The following SPATA7 variants were observed in gnomAD, a reference collection of about 807,000 sequenced individuals.
The protein encoded by SPATA7 is spermatogenesis associated 7.
SPATA7 carries 43 observed loss-of-function variants against 51.8 expected under a neutral mutation model. The ratio of observed to expected loss-of-function variants is 0.83; its 90% CI spans 0.65 to 1.07. The LOEUF (loss-of-function observed/expected upper bound fraction) is 1.07, where lower values mean the gene tolerates loss of function less well. Ranked by LOEUF, SPATA7 falls within the 50% of genes least tolerant of loss-of-function variation. The pLI is 0.00. For synonymous variants in SPATA7, 230 were observed against 252.8 expected (o/e 0.91, Z 0.86); for missense variants, 683 against 701.3 (o/e 0.97, Z 0.30).
At chr14:88,415,658 T>C (rs73323507) in intron 4 of SPATA7, among the ~76,000 whole-genome samples, 5,342 of 152,230 alleles carry the variant, frequency 0.035, 303 homozygotes, top group African/African-American at 0.12. Context: ...CTGTTTGCTT[T>C]GTAGTCTTGA....
At chr14:88,427,119 A>G (rs2076815424) in intron 6 of SPATA7, among the ~76,000 whole-genome samples, 2 of 152,208 alleles carry the variant, frequency 1.3e-5, no homozygotes, top group Admixed American at 6.5e-5. Context: ...CCTCTGCTCC[A>G]TTTCCTGCAG....
intron 4 of SPATA7, among the ~76,000 whole-genome samples, chr14:88,402,934 G>A (rs1218483074): frequency 3.4e-5 from 3 of 88,146 alleles, no homozygotes; most frequent in African/African-American, 1.1e-4. Flanking sequence ...TCCCAACTGT[G>A]TAAGTAATAA....
intron 4 of SPATA7, among the ~76,000 whole-genome samples, chr14:88,411,518 T>A (rs1280745083): frequency 6.6e-6 from 1 of 152,146 alleles, no homozygotes; most frequent in African/African-American, 2.4e-5. Context: ...TGAGGGAATC[T>A]CCTGGTCCGT....
rs374068608 is a variant in SPATA7 at position 88,436,938 on chromosome 14, A to AT, written c.1161-596dup. On this transcript the variant is annotated intron_variant, in intron 10 of 11. Coordinates refer to ENST00000393545, the MANE Select transcript of SPATA7 (RefSeq NM_018418.5). ...TTTGTAGTTTCATGTACATTTTAGGATTTTTTTTTCTATTTCTGTGAATAA... is the reference window on the plus strand; with the variant it reads ...TTTGTAGTTTCATGTACATTTTAGGATTTTTTTTTTCTATTTCTGTGAATAA... Among the ~76,000 whole-genome samples, 1,179 of 150,646 alleles carry AT rather than the reference A, an allele frequency of 7.8e-3. 6 individuals carry two copies. The highest frequency in any genetic ancestry group is 0.024 in the Middle Eastern group (7 of 290).
chr14:88,428,662 C>T (rs1243769832), intron 7 of SPATA7: 1 of 152,124 alleles, frequency 6.6e-6, no homozygotes, highest in Non-Finnish European at 1.5e-5. Flanking sequence ...TTGCAGATAA[C>T]TACGTAAACA....
chr14:88,393,438 T>A lies in SPATA7; in HGVS notation c.140T>A (p.Leu47Gln). Residue 47 changes from leucine to glutamine, a missense_variant, in exon 3 of 12, where the codon CTG becomes CAG. Coordinates refer to ENST00000393545, the MANE Select transcript of SPATA7 (RefSeq NM_018418.5). ...SSSLRLSTLQ[L>Q]VKNHMAVHYN... ...TCTCTCAGACTAAGCACTCTCCAGC[T>A]GGTCAAGAATCACATGGCTGTTCAC... 1.9e-6 allele frequency: 3 copies of A among 1,606,024 alleles called. No individual in the cohort carries two copies. The highest frequency in any genetic ancestry group is 2.6e-6 in the Non-Finnish European group (3 of 1,175,504).
intron 4 of SPATA7, among the ~76,000 whole-genome samples, chr14:88,468,716 T>C (rs147662195): frequency 1.1e-4 from 17 of 152,322 alleles, no homozygotes; most frequent in African/African-American, 3.8e-4. Context: ...ATTTATCGTA[T>C]GACTTCTTAG....
intron 4 of SPATA7, among the ~76,000 whole-genome samples, chr14:88,404,444 T>C (rs1038922509): frequency 3.9e-5 from 6 of 152,138 alleles, no homozygotes; most frequent in Non-Finnish European, 7.4e-5. Flanking sequence ...AGGTCAGGCG[T>C]TGTGGCTCAC....
At chr14:88,414,210 T>G (rs1595233880) in intron 4 of SPATA7, among the ~76,000 whole-genome samples, 1 of 151,594 alleles carries the variant, frequency 6.6e-6, no homozygotes, top group African/African-American at 2.4e-5. Context: ...GGTTGGTAGG[T>G]TTTTTTTATT....
downstream of SPATA7, chr14:88,438,572 T>C (rs914704964): frequency 4.1e-6 from 3 of 724,084 alleles, no homozygotes; most frequent in Non-Finnish European, 7.2e-6. Flanking sequence ...ACACATTTAT[T>C]ATTTATCCCA....
intron 4 of SPATA7, among the ~76,000 whole-genome samples, chr14:88,462,931 T>C (rs188286459): frequency 6.6e-6 from 1 of 152,336 alleles, no homozygotes; most frequent in Non-Finnish European, 1.5e-5. Context: ...AAGTATATGG[T>C]TACTATCCCT....
At chr14:88,467,909 G>A in intron 4 of SPATA7, 2 of 614,528 alleles carry the variant, frequency 3.3e-6, no homozygotes, top group Non-Finnish European at 5.7e-6. Flanking sequence ...GCAGGGCAAG[G>A]CCCTTGAAAC....
chr14:88,465,903 A>T (rs1390046561), intron 4 of SPATA7: 1 of 151,922 alleles, frequency 6.6e-6, no homozygotes, highest in Non-Finnish European at 1.5e-5. Flanking sequence ...ATTAAACAGT[A>T]ATTTTGCCCT....
Position 88,427,713 on chromosome 14 carries a change from C to A in SPATA7, c.912+17C>A, listed in dbSNP as rs754015262. On this transcript the variant is annotated intron_variant, in intron 7 of 11. Coordinates refer to ENST00000393545, the MANE Select transcript of SPATA7 (RefSeq NM_018418.5). Reference sequence around the variant, plus strand: ...ATAAAGCAGGTAATAAGTATGAAATCTTTTGGTATTGCTACATTTGAATTA... The same window carrying A: ...ATAAAGCAGGTAATAAGTATGAAATATTTTGGTATTGCTACATTTGAATTA... 7 of 1,552,128 alleles carry A rather than the reference C, an allele frequency of 4.5e-6. No homozygotes were observed. The highest frequency in any genetic ancestry group is 1.4e-5 in the African/African-American group (1 of 73,558).
At chr14:88,436,055 C>T (rs746310745) in intron 10 of SPATA7, among the ~76,000 whole-genome samples, 81 of 152,176 alleles carry the variant, frequency 5.3e-4, no homozygotes, top group Non-Finnish European at 7.1e-4. Context: ...TCCCTTTTCT[C>T]CACATCCTCA....
intron 5 of SPATA7, among the ~76,000 whole-genome samples, chr14:88,420,164 A>G (rs979652974): frequency 3.9e-5 from 6 of 152,140 alleles, no homozygotes; most frequent in Non-Finnish European, 8.8e-5. Context: ...AAGGTGGGAA[A>G]GGGATTCTCT....
rs1020634600 is a variant in SPATA7 at position 88,385,690 on chromosome 14, G to C, written c.-129G>C. On this transcript the variant is annotated 5_prime_UTR_variant, in exon 1 of 12. Transcript: ENST00000393545. Reference sequence around the variant, plus strand: ...CAGCCCTTAGCAACGGCCTGGCAACGGTTTCCCTGCTGCTGCAGCCCCCGT... The same window carrying C: ...CAGCCCTTAGCAACGGCCTGGCAACCGTTTCCCTGCTGCTGCAGCCCCCGT... 1 of 917,788 alleles carries C rather than the reference G, an allele frequency of 1.1e-6. No homozygotes were observed. Among genetic ancestry groups the C allele is most frequent in the African/African-American group, 1.6e-5 (1 of 61,612 alleles). 56.9% of individuals were successfully genotyped at this position (917,788 alleles called of 1,614,324 possible). A position where few individuals can be genotyped will look rare whatever the true frequency, so the allele number is the denominator to read the frequency against.
chr14:88,391,237 G>C lies in SPATA7; in HGVS notation c.20-144G>C. On this transcript the variant is annotated intron_variant, in intron 1 of 11. Transcript: ENST00000393545. ...TGTAACTCAGACTTCCTGTTTTGGA[G>C]ATTACTACTAAAAACGCAATCACCT... 4.4e-6 allele frequency: 3 copies of C among 680,514 alleles called. No homozygotes were observed. The Admixed American group carries it at 7.5e-5, about 17-fold the overall frequency. 42.2% of individuals were successfully genotyped at this position (680,514 alleles called of 1,614,324 possible).
intron 1 of SPATA7, among the ~76,000 whole-genome samples, chr14:88,388,931 C>T (rs2075659646): frequency 6.6e-6 from 1 of 152,084 alleles, no homozygotes; most frequent in African/African-American, 2.4e-5. Flanking sequence ...CTTCACATTC[C>T]ATGGGAAATA....
Sources: allele counts gnomAD v4.1 joint callset (sites outside exome capture counted in the v4.1 genomes callset), GRCh38; gene constraint gnomAD v4.1.1; transcripts MANE v1.5; gene names NCBI Gene and HGNC (gene_info 2026-07-23, HGNC 2026-07-21).